Variants in CCDC60 observed in about 807,000 individuals in gnomAD.
CCDC60 encodes the protein coiled-coil domain-containing protein 60.
Under a neutral mutation model 63.5 loss-of-function variants are expected in CCDC60, and 54 were observed. The observed-to-expected ratio is 0.85, with a 90% CI of 0.68 to 1.07. The LOEUF (loss-of-function observed/expected upper bound fraction) is 1.07. Among genes scored for constraint, CCDC60 ranks in the 50% least tolerant of loss-of-function variants. CCDC60 has a pLI of 0.00. For missense variants in CCDC60, 651 were observed against 684.3 expected (o/e 0.95, Z 0.54); for synonymous variants, 206 against 238.8 (o/e 0.86, Z 1.27).
chr12:119,414,418 A>C (rs552247231), intron 1 of CCDC60, among the ~76,000 whole-genome samples: 6 of 152,318 alleles, frequency 3.9e-5, no homozygotes, highest in African/African-American at 1.4e-4. Context: ...TAAAAACAGG[A>C]AGGATTTAAG....
At chr12:119,452,682 C>A (rs1051943505) in intron 2 of CCDC60, among the ~76,000 whole-genome samples, 1 of 152,004 alleles carries the variant, frequency 6.6e-6, no homozygotes, top group Non-Finnish European at 1.5e-5. Context: ...GTGGAAATGG[C>A]GATAGTGGTG....
chr12:119,442,376 CAG>C (rs1254090652), intron 2 of CCDC60, among the ~76,000 whole-genome samples: 3 of 152,148 alleles, frequency 2.0e-5, no homozygotes, highest in Admixed American at 6.5e-5. Context: ...CTTTGGGAGG[CAG>C]AGAGGGGGTG....
intron 13 of CCDC60, among the ~76,000 whole-genome samples, chr12:119,536,622 A>G (rs562488278): frequency 1.3e-5 from 2 of 152,184 alleles, no homozygotes; most frequent in South Asian, 2.1e-4. Context: ...GGTGACAAAA[A>G]TCTCTCACCA....
At chr12:119,522,863 G>T (rs1952565546) in intron 9 of CCDC60, 76 bp from the exon 10 acceptor site, 6 of 1,275,030 alleles carry the variant, frequency 4.7e-6, no homozygotes, top group Non-Finnish European at 5.7e-6. Flanking sequence ...GCTAGCAGGT[G>T]CCATGGAGCA....
At chr12:119,483,794 C>T (rs1566034954) in intron 4 of CCDC60, among the ~76,000 whole-genome samples, 2 of 152,128 alleles carry the variant, frequency 1.3e-5, no homozygotes, top group Non-Finnish European at 2.9e-5. Context: ...TAACCCTGTT[C>T]AGCATTTTCA....
Position 119,465,258 on chromosome 12 carries a change from G to A in CCDC60, c.171-6736G>A, listed in dbSNP as rs113555633. Among the ~76,000 whole-genome samples the A allele has an allele frequency of 9.9e-3, 1,499 of 152,176 alleles. 10 individuals are homozygous for A. The highest frequency in any genetic ancestry group is 0.048 in the Middle Eastern group (14 of 294). ...GAACCCGGGAGGCGGAGGTTGCAGTGAGCCGAGATCGCACCACTGCACTCC... is the reference window on the plus strand; with the variant it reads ...GAACCCGGGAGGCGGAGGTTGCAGTAAGCCGAGATCGCACCACTGCACTCC... On this transcript the variant is annotated intron_variant, in intron 2 of 13. Transcript: ENST00000327554.
At chr12:119,393,685 T>C (rs4281531) in intron 1 of CCDC60, among the ~76,000 whole-genome samples, 23,179 of 152,144 alleles carry the variant, frequency 0.15, 2,502 homozygotes, top group East Asian at 0.56. Flanking sequence ...CTCCCAGTGG[T>C]TTAGAAAAGA....
At chr12:119,522,874 C>T (rs1030322498) in intron 9 of CCDC60, 65 bp from the exon 10 acceptor site, 2 of 1,479,732 alleles carry the variant, frequency 1.4e-6, no homozygotes, top group South Asian at 2.3e-5. Context: ...CCATGGAGCA[C>T]TGGGGGCACC....
At chr12:119,384,600 C>T (rs994916115) in intron 1 of CCDC60, among the ~76,000 whole-genome samples, 39 of 152,318 alleles carry the variant, frequency 2.6e-4, no homozygotes, top group East Asian at 3.9e-4. Flanking sequence ...CTGCGAGCTC[C>T]GGGCCGCTCC....
chr12:119,438,756 G>A (rs956900715), intron 2 of CCDC60, among the ~76,000 whole-genome samples: 1 of 152,182 alleles, frequency 6.6e-6, no homozygotes, highest in African/African-American at 2.4e-5. Context: ...TATGCAGACA[G>A]AGAGACTCAA....
intron 1 of CCDC60, among the ~76,000 whole-genome samples, chr12:119,426,755 A>C (rs560891459): frequency 6.6e-6 from 1 of 152,292 alleles, no homozygotes; most frequent in Non-Finnish European, 1.5e-5. Flanking sequence ...CTTACATGGG[A>C]ACATGTATTG....
chr12:119,509,140 C>T (rs1043133090), intron 7 of CCDC60, among the ~76,000 whole-genome samples: 2 of 152,206 alleles, frequency 1.3e-5, no homozygotes, highest in Non-Finnish European at 2.9e-5. Flanking sequence ...TCAAACCCTA[C>T]CCTCTTCACA....
chr12:119,514,640 T>A (rs1465520712), intron 7 of CCDC60, among the ~76,000 whole-genome samples: 1 of 152,154 alleles, frequency 6.6e-6, no homozygotes, highest in Non-Finnish European at 1.5e-5. Flanking sequence ...TCAAGAAATT[T>A]AAAAAATGTA....
intron 5 of CCDC60, among the ~76,000 whole-genome samples, chr12:119,492,369 C>G (rs929260687): frequency 3.9e-5 from 6 of 152,112 alleles, no homozygotes; most frequent in African/African-American, 1.4e-4. Context: ...AAGAGAGGTA[C>G]AGAATCCGTT....
intron 5 of CCDC60, among the ~76,000 whole-genome samples, chr12:119,493,196 C>A (rs1182191038): frequency 1.3e-5 from 2 of 152,148 alleles, no homozygotes; most frequent in Non-Finnish European, 2.9e-5. Flanking sequence ...GCCCTGACAC[C>A]CACCGTGCAT....
At position 119,524,716 on chromosome 12, in the gene CCDC60, C is replaced by CTTTTTTTTTTTTTTTTTTTTTTTTTTTT. The variant is rs1416953138; in HGVS notation, c.1229+902_1229+903insTTTTTTTTTTTTTTTTTTTTTTTTTTTT. Reference sequence around the variant, plus strand: ...AGGAAACAGCAGTTTCTTTTCTTTTCTTTTCTTTTTTTTTTTTTTTTTTTG... The same window carrying CTTTTTTTTTTTTTTTTTTTTTTTTTTTT: ...AGGAAACAGCAGTTTCTTTTCTTTTCTTTTTTTTTTTTTTTTTTTTTTTTTTTTTTTTCTTTTTTTTTTTTTTTTTTTG... On this transcript the variant is annotated intron_variant, in intron 11 of 13. Transcript: ENST00000327554. 2.9e-4 allele frequency among the ~76,000 whole-genome samples: 26 copies of CTTTTTTTTTTTTTTTTTTTTTTTTTTTT among 90,594 alleles called. 2 individuals are homozygous for CTTTTTTTTTTTTTTTTTTTTTTTTTTTT. Among genetic ancestry groups the CTTTTTTTTTTTTTTTTTTTTTTTTTTTT allele is most frequent in the African/African-American group, 1.3e-3 (25 of 18,828 alleles). 59.4% of individuals were successfully genotyped at this position (90,594 alleles called of 152,430 possible).
intron 1 of CCDC60, among the ~76,000 whole-genome samples, chr12:119,344,240 G>T (rs1272198724): frequency 6.6e-6 from 1 of 152,072 alleles, no homozygotes; most frequent in African/African-American, 2.4e-5. Flanking sequence ...TCTCAGTATT[G>T]CCAAATGTCC....
intron 1 of CCDC60, among the ~76,000 whole-genome samples, chr12:119,338,228 G>T (rs970184749): frequency 3.9e-5 from 6 of 152,102 alleles, no homozygotes; most frequent in African/African-American, 1.2e-4. Context: ...ACCTAATCTA[G>T]CGTCAATAGA....
Position 119,456,882 on chromosome 12 carries a change from G to A in CCDC60, c.171-15112G>A, listed in dbSNP as rs868761091. On this transcript the variant is annotated intron_variant, in intron 2 of 13. Transcript: ENST00000327554. The surrounding 1 kb of genome is among the most constrained non-coding windows in gnomAD (Gnocchi z 4.6). ...TTCTTTACTGCAACCTGTTTTATCC[G>A]CAAGGTCTTTATGATCTGTATTTTG... Among the ~76,000 whole-genome samples the A allele has an allele frequency of 5.9e-5, 9 of 152,136 alleles. No homozygotes were observed. The highest frequency in any genetic ancestry group is 3.3e-4 in the Admixed American group (5 of 15,270).
Sources: allele counts gnomAD v4.1 joint callset (sites outside exome capture counted in the v4.1 genomes callset), GRCh38; gene constraint gnomAD v4.1.1; non-coding constraint Gnocchi (gnomAD v3.1); transcripts MANE v1.5; gene names NCBI Gene and HGNC (gene_info 2026-07-23, HGNC 2026-07-21).